AGMO: variants seen among roughly 807,000 people sequenced by gnomAD.
AGMO encodes the protein glyceryl-ether monooxygenase.
A neutral mutation model predicts 60.2 loss-of-function variants in AGMO; 75 were observed. The observed-to-expected ratio is 1.25, with a 90% CI of 1.03 to 1.51. The LOEUF is 1.51. Ranked by LOEUF, AGMO falls within the 40% of genes most tolerant of loss-of-function variation. The pLI is 0.00. For missense variants in AGMO, 763 were observed against 525.5 expected (o/e 1.45, Z -4.42); for synonymous variants, 261 against 177.1 (o/e 1.47, Z -3.76).
intron 12 of AGMO, among the ~76,000 whole-genome samples, chr7:15,277,490 G>A (rs1285262121): frequency 1.3e-5 from 2 of 151,950 alleles, no homozygotes; most frequent in East Asian, 3.9e-4. Flanking sequence ...ATCTGGAGAA[G>A]CTGACACTTC....
At chr7:15,462,207 G>A (rs796602755) in intron 3 of AGMO, among the ~76,000 whole-genome samples, 1 of 152,034 alleles carries the variant, frequency 6.6e-6, no homozygotes, top group South Asian at 2.1e-4. Flanking sequence ...TTATTCCCCG[G>A]TACCCTAAAG....
At chr7:15,394,958 C>T (rs2128487077) in intron 5 of AGMO, among the ~76,000 whole-genome samples, 1 of 152,234 alleles carries the variant, frequency 6.6e-6, no homozygotes, top group East Asian at 1.9e-4. Context: ...AGTTCTGAGT[C>T]TATAAATTCT....
chr7:15,529,202 A>G (rs1562554385), intron 3 of AGMO, among the ~76,000 whole-genome samples: 1 of 151,996 alleles, frequency 6.6e-6, no homozygotes, highest in Non-Finnish European at 1.5e-5. Context: ...TTTTAAAAGA[A>G]AAATGTTATT....
the AGMO span, among the ~76,000 whole-genome samples, chr7:15,165,017 A>C: frequency 3.4e-4 from 52 of 152,312 alleles, no homozygotes; most frequent in African/African-American, 1.2e-3. Context: ...TGGATAGAGA[A>C]AATGTGGTAC....
At chr7:15,550,942 A>C (rs1202235963) in intron 2 of AGMO, among the ~76,000 whole-genome samples, 1 of 136,336 alleles carries the variant, frequency 7.3e-6, no homozygotes, top group Non-Finnish European at 1.6e-5. Flanking sequence ...AACCGAATCC[A>C]GCAGCACATC....
chr7:15,406,884 TTCAGG>T (rs113098708), intron 5 of AGMO, among the ~76,000 whole-genome samples: 1,365 of 120,798 alleles, frequency 0.011, 38 homozygotes, highest in African/African-American at 0.041. Flanking sequence ...ACGGTGCCAG[TTCAGG>T]TCAGAAGACT....
intron 5 of AGMO, among the ~76,000 whole-genome samples, chr7:15,408,897 A>G (rs1199947929): frequency 6.6e-6 from 1 of 151,892 alleles, no homozygotes; most frequent in Non-Finnish European, 1.5e-5. Flanking sequence ...CAGGGGAAAC[A>G]TTTTCTGGGG....
At position 15,422,386 on chromosome 7, in the gene AGMO, G is replaced by GAA. The variant is rs575623444; in HGVS notation, c.514-3735_514-3734dup. On this transcript the variant is annotated intron_variant, in intron 4 of 12. Transcript: ENST00000342526. Reference sequence around the variant, plus strand: ...GTATTTGATAGCACAAAGTCCAAGAGAAAAAAAACAGTAAGGTAAGAGCAA... The same window carrying GAA: ...GTATTTGATAGCACAAAGTCCAAGAGAAAAAAAAAACAGTAAGGTAAGAGCAA... Among the ~76,000 whole-genome samples the GAA allele has an allele frequency of 8.6e-5, 13 of 150,844 alleles. No individual in the cohort carries two copies. In the East Asian group the frequency reaches 2.5e-3, roughly 29 times the overall value.
the AGMO span, among the ~76,000 whole-genome samples, chr7:15,123,291 C>T: frequency 6.6e-6 from 1 of 152,034 alleles, no homozygotes; most frequent in Admixed American, 6.6e-5. Context: ...ATCTACAGAA[C>T]TTCCAACATC....
intron 12 of AGMO, among the ~76,000 whole-genome samples, chr7:15,251,778 G>C (rs928070418): frequency 6.6e-6 from 1 of 152,166 alleles, no homozygotes; most frequent in Non-Finnish European, 1.5e-5. Context: ...CGGGGGGCAA[G>C]TGCAAGAACT....
At chr7:15,439,994 A>G (rs1385658296) in intron 3 of AGMO, among the ~76,000 whole-genome samples, 2 of 152,194 alleles carry the variant, frequency 1.3e-5, no homozygotes, top group East Asian at 1.9e-4. Flanking sequence ...AACCAGCTGT[A>G]TTTTGAAAAT....
the AGMO span, among the ~76,000 whole-genome samples, chr7:15,141,510 C>T: frequency 1.2e-4 from 19 of 152,050 alleles, no homozygotes; most frequent in Non-Finnish European, 2.4e-4. Context: ...TGCTTGAACC[C>T]GGGAGGCAGC....
intron 12 of AGMO, among the ~76,000 whole-genome samples, chr7:15,332,427 C>G (rs1781527497): frequency 6.6e-6 from 1 of 152,096 alleles, no homozygotes. Flanking sequence ...CTAAAAGACA[C>G]CATGTTTTCA....
chr7:15,436,311 C>T (rs1781403153), intron 3 of AGMO, among the ~76,000 whole-genome samples: 5 of 99,688 alleles, frequency 5.0e-5, no homozygotes, highest in Admixed American at 3.7e-4. Flanking sequence ...GATCAAGGCA[C>T]TGGTAGGTTA....
At chr7:15,350,499 T>G (rs1282805424) in intron 12 of AGMO, among the ~76,000 whole-genome samples, 1 of 152,100 alleles carries the variant, frequency 6.6e-6, no homozygotes, top group African/African-American at 2.4e-5. Flanking sequence ...CTAGCTGCTT[T>G]TCTCTTATAT....
chr7:15,521,427 A>G (rs554786657), intron 3 of AGMO, among the ~76,000 whole-genome samples: 193 of 152,338 alleles, frequency 1.3e-3, no homozygotes, highest in African/African-American at 4.2e-3. Context: ...TCCCTGATAA[A>G]CATCAATGTG....
At chr7:15,389,987 G>A (rs1276005366) in intron 8 of AGMO, among the ~76,000 whole-genome samples, 1 of 152,086 alleles carries the variant, frequency 6.6e-6, no homozygotes, top group Non-Finnish European at 1.5e-5. Context: ...CCCCCGTACA[G>A]AGCTGTCATT....
At chr7:15,443,405 C>T (rs1458615870) in intron 3 of AGMO, among the ~76,000 whole-genome samples, 1 of 152,198 alleles carries the variant, frequency 6.6e-6, no homozygotes, top group Non-Finnish European at 1.5e-5. Context: ...ATCTCATGCC[C>T]TGTAAGGGGC....
At chr7:15,415,542 A>AC (rs1562495730) in intron 5 of AGMO, among the ~76,000 whole-genome samples, 8 of 151,830 alleles carry the variant, frequency 5.3e-5, no homozygotes, top group Admixed American at 2.0e-4. Flanking sequence ...ACTACCTCAA[A>AC]GAAAAAAAAA....
Sources: allele counts gnomAD v4.1 joint callset (sites outside exome capture counted in the v4.1 genomes callset), GRCh38; gene constraint gnomAD v4.1.1; transcripts MANE v1.5; gene names NCBI Gene and HGNC (gene_info 2026-07-23, HGNC 2026-07-21).